Variants in FHIT observed in about 807,000 individuals in gnomAD.
FHIT encodes fragile histidine triad diadenosine triphosphatase, also known as bis(5'-adenosyl)-triphosphatase.
In FHIT, 19 loss-of-function variants were observed where a neutral mutation model predicts 17.9. That is an observed-to-expected ratio of 1.06 (90% CI 0.74 to 1.56). FHIT has a LOEUF of 1.56. FHIT is among the 40% of genes most tolerant of loss of function. The pLI, the probability that FHIT is intolerant of heterozygous loss-of-function variation, is 0.00. For synonymous variants in FHIT, 81 were observed against 69.7 expected (o/e 1.16, Z -0.81); for missense variants, 248 against 189.2 (o/e 1.31, Z -1.82).
At chr3:60,092,469 C>T (rs1429404664) in intron 5 of FHIT, among the ~76,000 whole-genome samples, 3 of 152,182 alleles carry the variant, frequency 2.0e-5, no homozygotes, top group Admixed American at 6.5e-5. Context: ...TTTTCAAAAT[C>T]ATGCTTTTAC....
chr3:60,468,559 T>A (rs975899749), intron 5 of FHIT, among the ~76,000 whole-genome samples: 3 of 151,972 alleles, frequency 2.0e-5, no homozygotes, highest in African/African-American at 7.2e-5. Context: ...GCATAAACAA[T>A]TAAACTAATA....
intron 5 of FHIT, among the ~76,000 whole-genome samples, chr3:60,465,500 T>C (rs1029624608): frequency 2.0e-5 from 3 of 152,158 alleles, no homozygotes; most frequent in Non-Finnish European, 2.9e-5. Flanking sequence ...CAGTGTCTTC[T>C]TGTAGAAGTT....
intron 2 of FHIT, among the ~76,000 whole-genome samples, chr3:61,091,389 T>C (rs1382536367): frequency 1.3e-5 from 2 of 152,160 alleles, no homozygotes; most frequent in Non-Finnish European, 2.9e-5. Flanking sequence ...GTCTTCTTCA[T>C]CTGTAAAATG....
At chr3:60,060,036 T>G (rs1051768209) in intron 5 of FHIT, among the ~76,000 whole-genome samples, 3 of 152,118 alleles carry the variant, frequency 2.0e-5, no homozygotes, top group African/African-American at 7.2e-5. Flanking sequence ...CATACCCAGA[T>G]ACATGGGGGA....
At chr3:60,904,234 G>A (rs1180850776) in intron 3 of FHIT, among the ~76,000 whole-genome samples, 2 of 152,132 alleles carry the variant, frequency 1.3e-5, no homozygotes, top group Non-Finnish European at 2.9e-5. Context: ...TTCCTGCCTA[G>A]GAGAGATAGG....
chr3:60,735,056 C>G (rs544946154), intron 4 of FHIT, among the ~76,000 whole-genome samples: 1 of 152,060 alleles, frequency 6.6e-6, no homozygotes, highest in Non-Finnish European at 1.5e-5. Context: ...CTATAAGAAA[C>G]CTTATTTGCA....
chr3:59,832,671 T>C (rs1341022423), intron 8 of FHIT, among the ~76,000 whole-genome samples: 1 of 152,194 alleles, frequency 6.6e-6, no homozygotes, highest in African/African-American at 2.4e-5. Context: ...AACCACAGAC[T>C]CATAAATGAG....
chr3:60,290,462 T>TG, intron 5 of FHIT, among the ~76,000 whole-genome samples: 1 of 152,108 alleles, frequency 6.6e-6, no homozygotes, highest in East Asian at 2.0e-4. Context: ...GAGAGCCTCA[T>TG]GTGGCAGAGA....
chr3:60,815,834 AT>A (rs1256103220), intron 4 of FHIT, among the ~76,000 whole-genome samples: 4 of 152,078 alleles, frequency 2.6e-5, no homozygotes, highest in Non-Finnish European at 4.4e-5. Flanking sequence ...GTATGGCCAC[AT>A]TAATGAAATT....
intron 5 of FHIT, among the ~76,000 whole-genome samples, chr3:60,314,852 A>G (rs559937930): frequency 4.6e-5 from 7 of 152,280 alleles, no homozygotes; most frequent in African/African-American, 7.2e-5. Flanking sequence ...TAGGAGGCCA[A>G]TGCAGCAGGA....
intron 5 of FHIT, among the ~76,000 whole-genome samples, chr3:60,193,089 C>T (rs182997017): frequency 2.7e-4 from 41 of 152,274 alleles, no homozygotes; most frequent in Non-Finnish European, 5.1e-4. Context: ...GGAGATTTCT[C>T]AAAATTTAAA....
At chr3:60,650,996 T>C (rs1224236400) in intron 4 of FHIT, among the ~76,000 whole-genome samples, 1 of 152,150 alleles carries the variant, frequency 6.6e-6, no homozygotes, top group Non-Finnish European at 1.5e-5. Context: ...TTCCAAGTTT[T>C]GTTTTGTTTT....
chr3:59,936,498 A>T (rs1448500387), intron 7 of FHIT, among the ~76,000 whole-genome samples: 1 of 152,188 alleles, frequency 6.6e-6, no homozygotes, highest in East Asian at 1.9e-4. Context: ...ATAAACATTT[A>T]CTGCTCCATG....
chr3:60,851,395 C>T (rs574200651), intron 3 of FHIT, among the ~76,000 whole-genome samples: 90 of 152,174 alleles, frequency 5.9e-4, no homozygotes, highest in Non-Finnish European at 1.0e-3. Flanking sequence ...AAAATGTCAA[C>T]ACTGGAATCT....
In FHIT at chr3:61,246,135, T is replaced by C. The variant is rs150369908; in HGVS notation, c.-213+5166A>G. On this transcript the variant is annotated intron_variant, in intron 1 of 9. Coordinates refer to ENST00000492590, the MANE Select transcript of FHIT (RefSeq NM_002012.4). The stretch of plus-strand genomic sequence containing the variant: ...GGCAATGTCAGAAAGTTACCCTATA[T>C]GGTCTAAAAAGAGGAGTCACGAATA... Among the ~76,000 whole-genome samples the C allele has an allele frequency of 8.5e-5, 13 of 152,358 alleles. No homozygotes were observed. In the East Asian group the frequency reaches 2.5e-3, roughly 29 times the overall value.
At chr3:61,215,274 C>T (rs1576239275) in intron 1 of FHIT, among the ~76,000 whole-genome samples, 1 of 151,414 alleles carries the variant, frequency 6.6e-6, no homozygotes, top group East Asian at 1.9e-4. Context: ...ATCACCTCAG[C>T]CCAAAATCTC....
At chr3:61,182,221 C>A (rs1392171018) in intron 2 of FHIT, among the ~76,000 whole-genome samples, 2 of 152,166 alleles carry the variant, frequency 1.3e-5, no homozygotes, top group African/African-American at 2.4e-5. Context: ...CAATTAAATT[C>A]TCTTATTAGG....
intron 1 of FHIT, among the ~76,000 whole-genome samples, chr3:61,231,442 T>C (rs992138163): frequency 5.3e-5 from 8 of 151,682 alleles, no homozygotes; most frequent in Non-Finnish European, 1.0e-4. Context: ...GGAGCCATGA[T>C]CATGCCACTG....
At chr3:60,048,684 C>G (rs111750512) in intron 5 of FHIT, among the ~76,000 whole-genome samples, 1,828 of 152,274 alleles carry the variant, frequency 0.012, 18 homozygotes, top group Non-Finnish European at 0.019. Context: ...TATTTTGGAT[C>G]TTTCCACATT....
Sources: gnomAD v4.1 joint callset for allele counts (sites outside exome capture counted in the v4.1 genomes callset) on GRCh38, gnomAD v4.1.1 for gene constraint, MANE v1.5 for transcripts, NCBI Gene and HGNC (gene_info 2026-07-23, HGNC 2026-07-21) for gene names.